Variants in PHF21B observed in about 807,000 individuals in gnomAD.
PHF21B encodes PHD finger protein 4.
PHF21B carries 22 observed loss-of-function variants against 62.2 expected under a neutral mutation model. The observed-to-expected ratio is 0.35, with a 90% CI of 0.25 to 0.51. PHF21B has a LOEUF of 0.51. PHF21B is among the 20% of genes least tolerant of loss of function. The pLI is 0.97. For missense variants in PHF21B, 701 were observed against 707.9 expected (o/e 0.99, Z 0.11); for synonymous variants, 341 against 314.7 (o/e 1.08, Z -0.88).
At chr22:44,966,009 G>C (rs1158875361) in intron 2 of PHF21B, among the ~76,000 whole-genome samples, 1 of 152,214 alleles carries the variant, frequency 6.6e-6, no homozygotes, top group Non-Finnish European at 1.5e-5. Flanking sequence ...GGGCACCCAA[G>C]GGAGTGCTGT....
chr22:44,975,998 T>C (rs911468084), intron 2 of PHF21B, among the ~76,000 whole-genome samples: 26 of 152,138 alleles, frequency 1.7e-4, no homozygotes, highest in Non-Finnish European at 2.9e-5. Context: ...CGAAACCTCA[T>C]CTCTACAAAA....
intron 2 of PHF21B, among the ~76,000 whole-genome samples, chr22:44,923,569 A>G (rs1473712531): frequency 6.6e-6 from 1 of 152,206 alleles, no homozygotes; most frequent in East Asian, 1.9e-4. Flanking sequence ...GGAAAATGCA[A>G]AAAGTGGCCA....
At chr22:44,959,436 T>C (rs1468619150) in intron 2 of PHF21B, among the ~76,000 whole-genome samples, 1 of 152,194 alleles carries the variant, frequency 6.6e-6, no homozygotes. Context: ...CCTTTCTAAC[T>C]GGTCCAAGTG....
intron 2 of PHF21B, among the ~76,000 whole-genome samples, chr22:44,929,682 T>C (rs2071702315): frequency 6.6e-6 from 1 of 152,252 alleles, no homozygotes; most frequent in African/African-American, 2.4e-5. Context: ...GGGAGGTCCC[T>C]GTACCAGGAG....
intron 2 of PHF21B, among the ~76,000 whole-genome samples, chr22:44,923,051 A>G (rs1242416431): frequency 6.6e-6 from 1 of 152,168 alleles, no homozygotes; most frequent in East Asian, 1.9e-4. Context: ...ACAACCAAAC[A>G]AAGGGAAAGA....
In PHF21B at chr22:44,885,920, C is replaced by T; in HGVS notation, c.1216G>A (p.Gly406Ser). The change falls in exon 11 of 13, where the codon GGT (glycine) becomes AGT (serine). Residue 406 changes from glycine to serine, a missense_variant. Gly to Ser is a moderately conservative substitution (Grantham distance 56). Transcript: ENST00000313237. Reference sequence around the variant, plus strand: ...GCCAGCATCCCAGTCCAGGGCACACCCTCGTCTTTCTTTAAGGCCTGGGGA... The same window carrying T: ...GCCAGCATCCCAGTCCAGGGCACACTCTCGTCTTTCTTTAAGGCCTGGGGA... ...CQQKALKKDEGVPWTGMLAIV... is the reference protein window; with the variant it reads ...CQQKALKKDESVPWTGMLAIV... 6.2e-7 allele frequency: 1 copy of T among 1,614,086 alleles called. No individual in the cohort carries two copies. Among genetic ancestry groups the T allele is most frequent in the Non-Finnish European group, 8.5e-7 (1 of 1,179,986 alleles).
At chr22:44,928,277 G>A (rs2071672501) in intron 2 of PHF21B, among the ~76,000 whole-genome samples, 2 of 152,120 alleles carry the variant, frequency 1.3e-5, no homozygotes, top group Admixed American at 1.3e-4. Flanking sequence ...TCCTCGAACT[G>A]CCAGGCCACA....
Position 44,976,166 on chromosome 22 carries a change from G to A in PHF21B, c.120+32379C>T, listed in dbSNP as rs529732515. Among the ~76,000 whole-genome samples, 86 of 152,336 alleles carry A rather than the reference G, an allele frequency of 5.6e-4. 1 individual carries two copies. Among genetic ancestry groups the A allele is most frequent in the African/African-American group, 1.9e-3 (81 of 41,584 alleles). On this transcript the variant is annotated intron_variant, in intron 2 of 12. Transcript: ENST00000313237. ...AGCCTGGGCGACAGAGCAAGACCCT[G>A]TCTCAAGAAAACATTTTGTTTTTAA...
chr22:44,935,385 C>T (rs1270256442), intron 2 of PHF21B, among the ~76,000 whole-genome samples: 2 of 152,048 alleles, frequency 1.3e-5, no homozygotes, highest in African/African-American at 2.4e-5. Flanking sequence ...GAGGCTGAGA[C>T]GGGCGGATCA....
intron 2 of PHF21B, among the ~76,000 whole-genome samples, chr22:44,956,642 G>T (rs962074594): frequency 1.8e-4 from 28 of 152,134 alleles, no homozygotes; most frequent in African/African-American, 4.8e-4. Flanking sequence ...GACCTCGAGG[G>T]ACCCTCCACA....
chr22:44,929,166 A>G (rs2071692007), intron 2 of PHF21B, among the ~76,000 whole-genome samples: 1 of 152,222 alleles, frequency 6.6e-6, no homozygotes, highest in Admixed American at 6.5e-5. Flanking sequence ...CAACATCAAT[A>G]ACCGCTAATA....
intron 5 of PHF21B, among the ~76,000 whole-genome samples, chr22:44,898,486 T>C (rs1378488995): frequency 2.6e-5 from 4 of 152,074 alleles, no homozygotes; most frequent in Admixed American, 2.0e-4. Context: ...ACCATACTTA[T>C]TGGGAATAAG....
intron 2 of PHF21B, among the ~76,000 whole-genome samples, chr22:44,960,956 A>ATTTT (rs58426065): frequency 0.33 from 40,340 of 120,620 alleles, 8,305 homozygotes; most frequent in Non-Finnish European, 0.42. Flanking sequence ...ACGTGAGTTG[A>ATTTT]TTTTTTTTTT....
chr22:44,992,174 A>G (rs1311660511), intron 2 of PHF21B, among the ~76,000 whole-genome samples: 1 of 152,204 alleles, frequency 6.6e-6, no homozygotes, highest in Non-Finnish European at 1.5e-5. Context: ...CCTTCTCTCC[A>G]TGCCCTCTGA....
rs1192524869 is a variant in PHF21B, at chr22:44,882,259, A to T, written c.*827T>A. ...AAACCTGCCAAATGCTGCCCCCCACAACAGGGTTGCAGCTCCACTCTGCCC... is the reference window on the plus strand; with the variant it reads ...AAACCTGCCAAATGCTGCCCCCCACTACAGGGTTGCAGCTCCACTCTGCCC... On this transcript the variant is annotated 3_prime_UTR_variant, in exon 13 of 13. Transcript: ENST00000313237. 1 of 152,594 alleles carries T rather than the reference A, an allele frequency of 6.6e-6. No individual in the cohort carries two copies. Among genetic ancestry groups the T allele is most frequent in the African/African-American group, 2.4e-5 (1 of 41,420 alleles). The allele number at this position is 152,594 out of a possible 1,614,324, so 9.5% of individuals were successfully genotyped here. A position where few individuals can be genotyped will look rare whatever the true frequency, so the allele number is the denominator to read the frequency against.
At chr22:44,944,067 C>T (rs2072015631) in intron 2 of PHF21B, among the ~76,000 whole-genome samples, 1 of 152,210 alleles carries the variant, frequency 6.6e-6, no homozygotes, top group Admixed American at 6.5e-5. Flanking sequence ...CCTCCTGCTG[C>T]TCCACCTTCG....
chr22:44,996,200 C>A (rs1238303270), intron 2 of PHF21B, among the ~76,000 whole-genome samples: 1 of 152,184 alleles, frequency 6.6e-6, no homozygotes, highest in Non-Finnish European at 1.5e-5. Context: ...ACTCGCCAGC[C>A]CACAGCTTCG....
At chr22:44,996,884 A>C (rs1377085743) in intron 2 of PHF21B, among the ~76,000 whole-genome samples, 1 of 152,094 alleles carries the variant, frequency 6.6e-6, no homozygotes, top group Non-Finnish European at 1.5e-5. Context: ...AGACGCACAC[A>C]AGCATACACA....
At chr22:44,911,517 T>C (rs1196987881) in intron 5 of PHF21B, among the ~76,000 whole-genome samples, 1 of 152,148 alleles carries the variant, frequency 6.6e-6, no homozygotes, top group Admixed American at 6.5e-5. Context: ...CAGCCATGAC[T>C]AAAAGGGGCC....
Sources: gnomAD v4.1 joint callset for allele counts (sites outside exome capture counted in the v4.1 genomes callset) on GRCh38, gnomAD v4.1.1 for gene constraint, MANE v1.5 for transcripts, NCBI Gene and HGNC (gene_info 2026-07-23, HGNC 2026-07-21) for gene names.